The following PTPRT variants were observed in gnomAD, a reference collection of about 807,000 sequenced individuals.
PTPRT encodes the protein protein tyrosine phosphatase receptor type T.
PTPRT carries 56 observed loss-of-function variants against 176.8 expected under a neutral mutation model. That is an observed-to-expected ratio of 0.32 (90% CI 0.26 to 0.40). The LOEUF is 0.40. PTPRT is among the 10% of genes least tolerant of loss of function. PTPRT has a pLI of 1.00. For synonymous variants in PTPRT, 783 were observed against 739.0 expected (o/e 1.06, Z -0.96); for missense variants, 1,540 against 1,908.2 (o/e 0.81, Z 3.60).
At chr20:43,064,916 T>G (rs1987624170) in intron 1 of PTPRT, among the ~76,000 whole-genome samples, 1 of 152,244 alleles carries the variant, frequency 6.6e-6, no homozygotes, top group East Asian at 1.9e-4. Flanking sequence ...TGATTCTGGA[T>G]GCTAGCTTAT....
chr20:42,038,165 C>T, the PTPRT span, among the ~76,000 whole-genome samples: 1 of 152,166 alleles, frequency 6.6e-6, no homozygotes, highest in African/African-American at 2.4e-5. Context: ...GGCACTGTGA[C>T]AGGTGAGTTA....
intron 11 of PTPRT, among the ~76,000 whole-genome samples, chr20:42,327,557 C>T (rs751633947): frequency 5.7e-4 from 87 of 151,954 alleles, no homozygotes; most frequent in Non-Finnish European, 3.1e-4. Flanking sequence ...ATGGTCACTA[C>T]AAGTAACCCT....
intron 11 of PTPRT, among the ~76,000 whole-genome samples, chr20:42,323,005 A>G (rs1046739630): frequency 1.3e-5 from 2 of 152,032 alleles, no homozygotes; most frequent in Admixed American, 1.3e-4. Context: ...AAACACATGA[A>G]AAAATGCTCA....
intron 2 of PTPRT, among the ~76,000 whole-genome samples, chr20:42,814,945 GA>G (rs982196901): frequency 5.3e-5 from 8 of 152,026 alleles, no homozygotes; most frequent in Non-Finnish European, 8.8e-5. Context: ...AAAAGAGATA[GA>G]ACAAGCTAGA....
chr20:42,108,192 G>A (rs1986655035), intron 23 of PTPRT, among the ~76,000 whole-genome samples: 1 of 152,170 alleles, frequency 6.6e-6, no homozygotes, highest in Admixed American at 6.5e-5. Flanking sequence ...GTTAGCTTCA[G>A]ATTTCTGATG....
intron 16 of PTPRT, among the ~76,000 whole-genome samples, chr20:42,192,900 G>A (rs573433827): frequency 3.9e-5 from 6 of 152,246 alleles, no homozygotes; most frequent in Non-Finnish European, 5.9e-5. Context: ...CTGTCTGTGC[G>A]TACATCCACT....
At chr20:42,539,204 G>A (rs1180977805) in intron 7 of PTPRT, among the ~76,000 whole-genome samples, 2 of 152,090 alleles carry the variant, frequency 1.3e-5, no homozygotes, top group East Asian at 3.9e-4. Context: ...GACTAGGCGT[G>A]GGGCTGAGTA....
chr20:42,811,885 T>C (rs1441289084), intron 2 of PTPRT, among the ~76,000 whole-genome samples: 1 of 152,214 alleles, frequency 6.6e-6, no homozygotes, highest in Non-Finnish European at 1.5e-5. Flanking sequence ...TGTAATTAAG[T>C]ATTTTTGTCA....
At chr20:42,299,089 A>G (rs2057424387) in intron 12 of PTPRT, among the ~76,000 whole-genome samples, 1 of 152,184 alleles carries the variant, frequency 6.6e-6, no homozygotes, top group South Asian at 2.1e-4. Context: ...TCACAAAAAA[A>G]AACCGCCAAG....
intron 7 of PTPRT, among the ~76,000 whole-genome samples, chr20:42,673,041 G>T (rs1398406786): frequency 2.6e-5 from 4 of 152,150 alleles, no homozygotes; most frequent in Non-Finnish European, 5.9e-5. Flanking sequence ...ATTCTCAGCT[G>T]ATCTCCATAG....
In PTPRT at chr20:42,445,111, C is replaced by G. The variant is rs181443713; in HGVS notation, c.1560+3109G>C. 1.6e-4 allele frequency among the ~76,000 whole-genome samples: 24 copies of G among 152,272 alleles called. 1 individual carries two copies. The highest frequency in any genetic ancestry group is 5.3e-4 in the African/African-American group (22 of 41,558). ...AACTAGCTCCCAGGTCATGCTAATG[C>G]CGCTGGTCTATGGACCACGCTAAGT... On this transcript the variant is annotated intron_variant, in intron 9 of 30. Transcript: ENST00000373187.
intron 16 of PTPRT, 25 bp downstream of exon 16, chr20:42,199,215 C>T: frequency 1.2e-6 from 2 of 1,612,032 alleles, no homozygotes; most frequent in Non-Finnish European, 8.5e-7. Flanking sequence ...CGGATGTCCC[C>T]TTCCCCTTTG....
intron 7 of PTPRT, among the ~76,000 whole-genome samples, chr20:42,536,137 T>C (rs910607896): frequency 1.3e-5 from 2 of 152,004 alleles, no homozygotes; most frequent in Non-Finnish European, 2.9e-5. Flanking sequence ...GAAACTTGAG[T>C]GTCCCTGCCC....
intron 9 of PTPRT, among the ~76,000 whole-genome samples, chr20:42,435,069 G>A (rs2059250477): frequency 6.6e-6 from 1 of 152,080 alleles, no homozygotes; most frequent in African/African-American, 2.4e-5. Context: ...CCAAATTTGA[G>A]ACCCTATTGT....
chr20:42,737,626 T>C (rs2076558945), intron 6 of PTPRT, among the ~76,000 whole-genome samples: 1 of 91,752 alleles, frequency 1.1e-5, no homozygotes, highest in Non-Finnish European at 2.5e-5. Context: ...AGCAAGATTC[T>C]GCCTCCAAAA....
intron 1 of PTPRT, among the ~76,000 whole-genome samples, chr20:43,005,289 C>T (rs1238274895): frequency 6.6e-6 from 1 of 152,170 alleles, no homozygotes; most frequent in East Asian, 1.9e-4. Flanking sequence ...ACTCTCCAAC[C>T]GCATCTTGTT....
intron 1 of PTPRT, among the ~76,000 whole-genome samples, chr20:42,947,828 G>A (rs1980983635): frequency 6.6e-6 from 1 of 151,970 alleles, no homozygotes; most frequent in Non-Finnish European, 1.5e-5. Context: ...ACTGACGAGT[G>A]TCTCTACCTT....
chr20:42,157,807 T>C (rs1246750251), intron 17 of PTPRT, among the ~76,000 whole-genome samples: 1 of 152,206 alleles, frequency 6.6e-6, no homozygotes, highest in East Asian at 1.9e-4. Context: ...ACAACGGTGA[T>C]GCACTTTTCA....
At chr20:42,440,000 G>C (rs2059297811) in intron 9 of PTPRT, among the ~76,000 whole-genome samples, 1 of 152,086 alleles carries the variant, frequency 6.6e-6, no homozygotes, top group Non-Finnish European at 1.5e-5. Context: ...TCTGACTCCT[G>C]AGTTCAAGCG....
Sources: allele counts gnomAD v4.1 joint callset (sites outside exome capture counted in the v4.1 genomes callset), GRCh38; gene constraint gnomAD v4.1.1; transcripts MANE v1.5; gene names NCBI Gene and HGNC (gene_info 2026-07-23, HGNC 2026-07-21).